VPS13A: variants seen among roughly 807,000 people sequenced by gnomAD.
The protein encoded by VPS13A is intermembrane lipid transfer protein VPS13A.
VPS13A carries 264 observed loss-of-function variants against 390.9 expected under a neutral mutation model. The ratio of observed to expected loss-of-function variants is 0.68; its 90% CI spans 0.61 to 0.75. The LOEUF (loss-of-function observed/expected upper bound fraction) is 0.75. Ranked by LOEUF, VPS13A falls within the 30% of genes least tolerant of loss-of-function variation. The pLI, the probability that VPS13A is intolerant of heterozygous loss-of-function variation, is 0.00. For synonymous variants in VPS13A, 1,231 were observed against 1,227.1 expected, an observed-to-expected ratio of 1.00 and a Z score of -0.07; for missense variants, 3,409 against 3,733.9, an observed-to-expected ratio of 0.91 and a Z score of 2.27.
chr9:77,374,086 G>A (rs1832940919), intron 67 of VPS13A, among the ~76,000 whole-genome samples: 1 of 152,050 alleles, frequency 6.6e-6, no homozygotes, highest in Admixed American at 6.6e-5. Flanking sequence ...ATGAAGAATG[G>A]CATTTTGTAT....
chr9:77,199,343 T>A (rs1212783057), intron 1 of VPS13A, among the ~76,000 whole-genome samples: 1 of 152,196 alleles, frequency 6.6e-6, no homozygotes, highest in Non-Finnish European at 1.5e-5. Flanking sequence ...GACTTTTGTG[T>A]ATGTTCTAAA....
In VPS13A at chr9:77,220,387, A is replaced by G; in HGVS notation, c.989+4A>G. ...TTCACCACCATGCCAGAGAATGGTA[A>G]ATGCCTTGATTTTTTTTTTTTTTTA... On this transcript the variant is annotated splice_donor_region_variant and intron_variant, in intron 12 of 71. Transcript: ENST00000360280. 6.3e-7 allele frequency: 1 copy of G among 1,587,186 alleles called. No individual in the cohort carries two copies.
Position 77,276,147 on chromosome 9 carries a change from T to C in VPS13A, c.2750T>C (p.Ile917Thr), listed in dbSNP as rs1351991112. ...EILVLGLGAEIEIRTYDLKAN... is the reference protein window; with the variant it reads ...EILVLGLGAETEIRTYDLKAN... ...CTTGTTTTAGGATTGGGTGCAGAAA[T>C]TGAGATTAGAACATACGATTTGAAA... is the stretch of plus-strand genomic sequence containing the variant. The change falls in exon 26 of 72, where the codon ATT becomes ACT. Residue 917 changes from isoleucine (I) to threonine (T), a missense_variant. Ile to Thr is a moderately conservative substitution (Grantham distance 89). Coordinates refer to ENST00000360280, the MANE Select transcript of VPS13A (RefSeq NM_033305.3). 1 of 1,613,058 alleles carries C rather than the reference T, an allele frequency of 6.2e-7. No homozygotes were observed. Among genetic ancestry groups the C allele is most frequent in the East Asian group, 2.2e-5 (1 of 44,780 alleles).
intron 67 of VPS13A, among the ~76,000 whole-genome samples, chr9:77,373,601 A>G (rs1832903748): frequency 6.7e-6 from 1 of 150,270 alleles, no homozygotes; most frequent in African/African-American, 2.4e-5. Context: ...CCAAAACACC[A>G]AAAACAATGG....
intron 67 of VPS13A, among the ~76,000 whole-genome samples, chr9:77,381,775 G>A (rs1222705342): frequency 6.6e-6 from 1 of 152,062 alleles, no homozygotes; most frequent in Non-Finnish European, 1.5e-5. Flanking sequence ...CACAAAGAAA[G>A]TTCTAGAGAC....
At chr9:77,330,380 C>T (rs117092315) in intron 45 of VPS13A, among the ~76,000 whole-genome samples, 1 of 152,282 alleles carries the variant, frequency 6.6e-6, no homozygotes, top group East Asian at 1.9e-4. Context: ...AGCTTATGCT[C>T]ATTCCGTTTT....
At chr9:77,375,961 C>T (rs1368953502) in intron 67 of VPS13A, among the ~76,000 whole-genome samples, 1 of 151,874 alleles carries the variant, frequency 6.6e-6, no homozygotes, top group Non-Finnish European at 1.5e-5. Context: ...GTGAAAAATG[C>T]CATGAAGAAA....
intron 19 of VPS13A, 76 bp from the exon 20 acceptor site, chr9:77,247,183 T>C: frequency 8.1e-7 from 1 of 1,239,514 alleles, no homozygotes; most frequent in Non-Finnish European, 1.1e-6. Flanking sequence ...GTTTTATCAG[T>C]TCATATATTT....
intron 6 of VPS13A, 40 bp downstream of exon 6, chr9:77,209,572 A>G (rs1239812953): frequency 7.8e-7 from 1 of 1,289,056 alleles, no homozygotes; most frequent in Non-Finnish European, 1.1e-6. Flanking sequence ...TTATATTTAT[A>G]TGTAAGTTAT....
intron 35 of VPS13A, among the ~76,000 whole-genome samples, chr9:77,311,935 G>T (rs953966002): frequency 6.6e-6 from 1 of 152,106 alleles, no homozygotes; most frequent in Non-Finnish European, 1.5e-5. Context: ...AATGACAAGG[G>T]AAATTAAGAA....
At chr9:77,405,580 T>C (rs1365411930) in intron 69 of VPS13A, among the ~76,000 whole-genome samples, 4 of 152,240 alleles carry the variant, frequency 2.6e-5, no homozygotes, top group African/African-American at 9.6e-5. Flanking sequence ...AAATATTTTC[T>C]AATTTCCTTT....
intron 67 of VPS13A, among the ~76,000 whole-genome samples, chr9:77,374,980 T>TG (rs1271699646): frequency 6.6e-6 from 1 of 152,156 alleles, no homozygotes; most frequent in East Asian, 1.9e-4. Flanking sequence ...CATAATTGGG[T>TG]GTTTCTGGTT....
rs192411157 is a variant in VPS13A, at chr9:77,419,293, G to A, written c.*3287G>A. The A allele has an allele frequency of 1.5e-4, 23 of 152,126 alleles. No homozygotes were observed. Among genetic ancestry groups the A allele is most frequent in the African/African-American group, 5.1e-4 (21 of 41,486 alleles). 9.4% of individuals were successfully genotyped at this position (152,126 alleles called of 1,614,324 possible). The stretch of plus-strand genomic sequence containing the variant: ...AAACGTGAAATAATAAAAAATAGAG[G>A]AACAATAGAGCATATAAAATGGTTA... On this transcript the variant is annotated 3_prime_UTR_variant, in exon 72 of 72. Coordinates refer to ENST00000360280, the MANE Select transcript of VPS13A (RefSeq NM_033305.3).
intron 31 of VPS13A, among the ~76,000 whole-genome samples, chr9:77,284,150 G>C (rs1291832962): frequency 6.6e-6 from 1 of 151,952 alleles, no homozygotes; most frequent in African/African-American, 2.4e-5. Flanking sequence ...TTGAAGGTTA[G>C]GTAATTTGTT....
intron 17 of VPS13A, among the ~76,000 whole-genome samples, chr9:77,236,380 G>A (rs1279817466): frequency 6.6e-6 from 1 of 152,134 alleles, no homozygotes; most frequent in Non-Finnish European, 1.5e-5. Context: ...TCCCTTTTCT[G>A]TGTAAGCTTT....
rs115058421 is a variant in VPS13A, at chr9:77,298,853, G to T, written c.3812+3007G>T. 1.1e-3 allele frequency among the ~76,000 whole-genome samples: 174 copies of T among 152,162 alleles called. 1 individual carries two copies. The highest frequency in any genetic ancestry group is 4.1e-3 in the African/African-American group (170 of 41,520). ...TCACGAACTCTGATGGTTTTAAAAG[G>T]GGAAACCCCTTTGACTTGGCTCTCA... On this transcript the variant is annotated intron_variant, in intron 33 of 71. Transcript: ENST00000360280.
At chr9:77,195,063 C>A (rs1824907821) in intron 1 of VPS13A, among the ~76,000 whole-genome samples, 1 of 152,228 alleles carries the variant, frequency 6.6e-6, no homozygotes, top group East Asian at 1.9e-4. Context: ...TGTCACAGAA[C>A]TTTCTCCCTA....
At chr9:77,251,758 A>G (rs1179213489) in intron 21 of VPS13A, among the ~76,000 whole-genome samples, 17 of 152,118 alleles carry the variant, frequency 1.1e-4, no homozygotes, top group Admixed American at 1.0e-3. Context: ...ATTGTTGCCA[A>G]TCAACAACAT....
At chr9:77,285,577 A>G (rs1827276726) in intron 31 of VPS13A, among the ~76,000 whole-genome samples, 1 of 152,214 alleles carries the variant, frequency 6.6e-6, no homozygotes, top group Admixed American at 6.5e-5. Flanking sequence ...ATGGGTACAC[A>G]AGTCTTTCTA....
Sources: gnomAD v4.1 joint callset for allele counts (sites outside exome capture counted in the v4.1 genomes callset) on GRCh38, gnomAD v4.1.1 for gene constraint, MANE v1.5 for transcripts, NCBI Gene and HGNC (gene_info 2026-07-23, HGNC 2026-07-21) for gene names.